PTDSS2: variants seen among roughly 807,000 people sequenced by gnomAD.
The protein encoded by PTDSS2 is PSS-2.
In PTDSS2, 41 loss-of-function variants were observed where a neutral mutation model predicts 64.7. That is an observed-to-expected ratio of 0.63 (90% CI 0.49 to 0.82). The LOEUF is 0.82. PTDSS2 is among the 40% of genes least tolerant of loss of function. The probability of loss-of-function intolerance (pLI) is 0.00; values close to 1 mark genes in which losing one functional copy is unlikely to be tolerated. For missense variants in PTDSS2, 485 were observed against 650.0 expected, an observed-to-expected ratio of 0.75 and a Z score of 2.76; for synonymous variants, 297 against 277.8, an observed-to-expected ratio of 1.07 and a Z score of -0.69.
rs1216028497 is a variant in PTDSS2, at chr11:479,665, T to C, written c.435+513T>C. Among the ~76,000 whole-genome samples the C allele has an allele frequency of 1.3e-5, 2 of 152,200 alleles. No homozygotes were observed. Among genetic ancestry groups the C allele is most frequent in the Non-Finnish European group, 2.9e-5 (2 of 68,024 alleles). On this transcript the variant is annotated intron_variant, in intron 4 of 11. Coordinates refer to ENST00000308020, the MANE Select transcript of PTDSS2 (RefSeq NM_030783.3). The surrounding 1 kb of genome is among the most constrained non-coding windows in gnomAD (Gnocchi z 4.2). ...CCAAGAGGGACGGGGTCTTTGTTTT[T>C]GTGTTTTGTGGTTGACCAGTGTGAC...
At chr11:451,288 T>G in intron 1 of PTDSS2, 1 of 407,750 alleles carries the variant, frequency 2.5e-6, no homozygotes, top group South Asian at 1.7e-5. Flanking sequence ...CCACTCTGCC[T>G]TTAATGGGGG....
At chr11:469,164 A>T (rs187517155) in intron 2 of PTDSS2, among the ~76,000 whole-genome samples, 247 of 108,066 alleles carry the variant, frequency 2.3e-3, no homozygotes, top group Non-Finnish European at 2.6e-3. Context: ...TGGAAGGAGG[A>T]GGAGGGCAGT....
intron 11 of PTDSS2, 94 bp from the exon 12 acceptor site, chr11:490,326 C>T: frequency 6.4e-7 from 1 of 1,554,776 alleles, no homozygotes. Flanking sequence ...CCAGTCCATT[C>T]CGGACCTCCA....
At chr11:449,067 C>CA (rs1188955438), upstream of PTDSS2, among the ~76,000 whole-genome samples, 12 of 79,836 alleles carry the variant, frequency 1.5e-4, no homozygotes, top group Non-Finnish European at 2.5e-4. Context: ...TTTCACCTAG[C>CA]ATTTTTTTTT....
At chr11:471,967 A>ATGGCGGCCTGGGGTGACGCG (rs1847473655) in intron 2 of PTDSS2, among the ~76,000 whole-genome samples, 1 of 65,856 alleles carries the variant, frequency 1.5e-5, no homozygotes, top group Admixed American at 1.8e-4. Context: ...GGGGTGATGC[A>ATGGCGGCCTGGGGTGACGCG]GATGGCGGCC....
At chr11:489,364 C>A in intron 8 of PTDSS2, 36 bp from the exon 9 acceptor site, 1 of 1,579,398 alleles carries the variant, frequency 6.3e-7, no homozygotes, top group Non-Finnish European at 8.7e-7. Flanking sequence ...GTTCGGTGGG[C>A]TGCCTTCCTC....
chr11:489,839 A>T, intron 10 of PTDSS2, 44 bp from the exon 11 acceptor site: 2 of 1,542,932 alleles, frequency 1.3e-6, no homozygotes, highest in Non-Finnish European at 1.7e-6. Flanking sequence ...CGCCTGGAGG[A>T]CCCTGCGGGG....
intron 2 of PTDSS2, among the ~76,000 whole-genome samples, chr11:473,539 G>A (rs547370256): frequency 4.5e-4 from 68 of 152,320 alleles, no homozygotes; most frequent in African/African-American, 1.5e-3. Context: ...CCTGGCCACT[G>A]GGCGGGCTGC....
chr11:489,311 C>T (rs759975009), intron 8 of PTDSS2, 89 bp from the exon 9 acceptor site: 384 of 1,116,492 alleles, frequency 3.4e-4, no homozygotes, highest in Non-Finnish European at 4.8e-4. Flanking sequence ...AGGGCGGGGC[C>T]GGGTGACCAG....
intron 2 of PTDSS2, among the ~76,000 whole-genome samples, chr11:472,068 G>A (rs1258084667): frequency 2.7e-5 from 4 of 148,698 alleles, no homozygotes; most frequent in African/African-American, 1.0e-4. Flanking sequence ...GGGGTAACGC[G>A]GATGGCGGCC....
intron 8 of PTDSS2, 106 bp downstream of exon 8, chr11:488,753 G>A (rs1218654843): frequency 1.2e-5 from 10 of 811,738 alleles, no homozygotes; most frequent in Admixed American, 3.8e-5. Flanking sequence ...TCCAGTGTGC[G>A]GCTCAGGAGG....
In PTDSS2 at chr11:450,788, C is replaced by G. The variant is rs562610447; in HGVS notation, c.182+151C>G. 1,063 of 714,376 alleles carry G rather than the reference C, an allele frequency of 1.5e-3. 10 individuals carry two copies. In the African/African-American group the frequency reaches 0.018, roughly 12 times the overall value. 44.3% of individuals were successfully genotyped at this position (714,376 alleles called of 1,614,324 possible). A position where few individuals can be genotyped will look rare whatever the true frequency, so the allele number is the denominator to read the frequency against. ...TTTGAGGGTGTGGCAGCACCGCCCCCCGGGTCCCGGGGAGCGGCCGGACCG... is the reference window on the plus strand; with the variant it reads ...TTTGAGGGTGTGGCAGCACCGCCCCGCGGGTCCCGGGGAGCGGCCGGACCG... On this transcript the variant is annotated intron_variant, in intron 1 of 11. Coordinates refer to ENST00000308020, the MANE Select transcript of PTDSS2 (RefSeq NM_030783.3).
intron 1 of PTDSS2, among the ~76,000 whole-genome samples, chr11:458,210 CT>C (rs200105934): frequency 0.032 from 4,575 of 144,480 alleles, 214 homozygotes; most frequent in African/African-American, 0.11. Context: ...TATTTTTTTT[CT>C]TTTTTTTTTT....
chr11:478,008 G>A (rs1847891395), intron 3 of PTDSS2, among the ~76,000 whole-genome samples: 1 of 152,186 alleles, frequency 6.6e-6, no homozygotes, highest in Admixed American at 6.5e-5. Context: ...CCCTGAGTAC[G>A]TCGGGGCCTC....
rs1590654171 is a variant in PTDSS2 at position 475,029 on chromosome 11, C to T, written c.367+1052C>T. ...AGTTTGTGTGATACGGACATATTCA[C>T]GTGTTTGTGTGATACGGACATTCAC... is the stretch of plus-strand genomic sequence containing the variant. On this transcript the variant is annotated intron_variant, in intron 3 of 11. Coordinates refer to ENST00000308020, the MANE Select transcript of PTDSS2 (RefSeq NM_030783.3). Among the ~76,000 whole-genome samples the T allele has an allele frequency of 2.1e-5, 3 of 144,608 alleles. No individual in the cohort carries two copies. In the South Asian group the frequency reaches 6.4e-4, roughly 31 times the overall value. 94.9% of individuals were successfully genotyped at this position (144,608 alleles called of 152,430 possible).
intron 1 of PTDSS2, chr11:458,975 GA>G (rs1208159663): frequency 3.9e-5 from 6 of 152,286 alleles, no homozygotes; most frequent in African/African-American, 1.4e-4. Flanking sequence ...ATTTAGATAT[GA>G]GGAAACTGAG....
At position 489,385 on chromosome 11, in the gene PTDSS2, C is replaced by T. The variant is rs1738883564; in HGVS notation, c.855-15C>T. The T allele has an allele frequency of 1.2e-6, 2 of 1,609,318 alleles. No homozygotes were observed. Among genetic ancestry groups the T allele is most frequent in the Non-Finnish European group, 1.7e-6 (2 of 1,177,428 alleles). On this transcript the variant is annotated splice_polypyrimidine_tract_variant and intron_variant, in intron 8 of 11. Coordinates refer to ENST00000308020, the MANE Select transcript of PTDSS2 (RefSeq NM_030783.3). Reference sequence around the variant, plus strand: ...TGGGCTGCCTTCCTCAGGCTGCCGGCTCTGTGGTTCCCAGGGGCAAGATGA... The same window carrying T: ...TGGGCTGCCTTCCTCAGGCTGCCGGTTCTGTGGTTCCCAGGGGCAAGATGA...
At chr11:486,868 C>G in intron 4 of PTDSS2, 71 bp from the exon 5 acceptor site, 1 of 1,519,266 alleles carries the variant, frequency 6.6e-7, no homozygotes, top group Non-Finnish European at 8.8e-7. Context: ...AATAAATAAA[C>G]AACCATGATC....
Position 489,582 on chromosome 11 carries a change from C to T in PTDSS2, c.970-6C>T, listed in dbSNP as rs371262835. ...CAGAGCTGGTGCTCACCCTCTCCTC[C>T]CCTAGTTCCTGTTGGCAGAACTGAA... On this transcript the variant is annotated splice_region_variant and splice_polypyrimidine_tract_variant and intron_variant, in intron 9 of 11. Transcript: ENST00000308020. 1.9e-6 allele frequency: 3 copies of T among 1,604,692 alleles called. No homozygotes were observed. The African/African-American group carries it at 4.0e-5, about 21-fold the overall frequency.
Sources: gnomAD v4.1 joint callset for allele counts (sites outside exome capture counted in the v4.1 genomes callset) on GRCh38, gnomAD v4.1.1 for gene constraint, Gnocchi (gnomAD v3.1) non-coding constraint, MANE v1.5 for transcripts, NCBI Gene and HGNC (gene_info 2026-07-23, HGNC 2026-07-21) for gene names.